CFAP52: variants seen among roughly 807,000 people sequenced by gnomAD.
CFAP52 encodes cilia and flagella associated protein 52.
A neutral mutation model predicts 70.5 loss-of-function variants in CFAP52; 57 were observed. The ratio of observed to expected loss-of-function variants is 0.81; its 90% CI spans 0.65 to 1.01. The LOEUF (loss-of-function observed/expected upper bound fraction) is 1.01. Among genes scored for constraint, CFAP52 ranks in the 50% least tolerant of loss-of-function variants. The probability of loss-of-function intolerance (pLI) is 0.00; values close to 1 mark genes in which losing one functional copy is unlikely to be tolerated. For missense variants in CFAP52, 785 were observed against 788.5 expected (o/e 1.00, Z 0.05); for synonymous variants, 267 against 292.5 (o/e 0.91, Z 0.89).
chr17:9,577,472 G>A (rs1049161536), intron 1 of CFAP52, among the ~76,000 whole-genome samples: 7 of 152,106 alleles, frequency 4.6e-5, no homozygotes, highest in African/African-American at 1.7e-4. Flanking sequence ...CGTTTTGAGG[G>A]GTTTTGGTTT....
chr17:9,636,517 T>C (rs1417663275), intron 11 of CFAP52, among the ~76,000 whole-genome samples: 1 of 152,182 alleles, frequency 6.6e-6, no homozygotes, highest in African/African-American at 2.4e-5. Context: ...GCTTTTTGAA[T>C]TTTTGACTAT....
At chr17:9,603,882 A>G (rs1284881897) in intron 6 of CFAP52, among the ~76,000 whole-genome samples, 1 of 152,214 alleles carries the variant, frequency 6.6e-6, no homozygotes. Flanking sequence ...CAGTTGGAGG[A>G]GTGACACTAC....
intron 4 of CFAP52, 65 bp from the exon 5 acceptor site, chr17:9,598,169 G>C (rs1909101612): frequency 2.4e-6 from 3 of 1,274,816 alleles, no homozygotes; most frequent in Non-Finnish European, 3.3e-6. Flanking sequence ...TCAGTTTCAG[G>C]GATGAAGTGA....
At chr17:9,642,425 A>G (rs1396028854) in intron 13 of CFAP52, among the ~76,000 whole-genome samples, 1 of 152,096 alleles carries the variant, frequency 6.6e-6, no homozygotes, top group African/African-American at 2.4e-5. Flanking sequence ...GGAGTTTGAG[A>G]CCAGCCTGGC....
Position 9,612,336 on chromosome 17 carries a change from T to C in CFAP52, c.882T>C (p.Thr294=). 2 of 1,614,196 alleles carry C rather than the reference T, an allele frequency of 1.2e-6. No individual in the cohort carries two copies. Among genetic ancestry groups the C allele is most frequent in the Non-Finnish European group, 1.7e-6 (2 of 1,180,036 alleles). Residue 294 remains threonine, a synonymous_variant, in exon 8 of 14, where the codon ACT becomes ACC. Coordinates refer to ENST00000352665, the MANE Select transcript of CFAP52 (RefSeq NM_145054.5). ...IKKIQLQGGI[T]SITLRGEGHQ... ...AGATTCAGTTACAAGGCGGCATCAC[T>C]TCTATCACACTTCGAGGAGAAGGAC...
chr17:9,629,734 G>A (rs1017852880), intron 9 of CFAP52, among the ~76,000 whole-genome samples: 8 of 151,608 alleles, frequency 5.3e-5, no homozygotes, highest in African/African-American at 1.9e-4. Context: ...GACTACAGGC[G>A]TGTGTCATCA....
chr17:9,615,795 CTTTTTTTTTTTT>C (rs1190663709), intron 8 of CFAP52, among the ~76,000 whole-genome samples: 3 of 67,424 alleles, frequency 4.4e-5, no homozygotes, highest in South Asian at 7.8e-4. Context: ...AAAAAAAATT[CTTTTTTTTTTTT>C]TTTTTTTTTT....
intron 11 of CFAP52, among the ~76,000 whole-genome samples, chr17:9,636,105 C>T (rs1379361270): frequency 5.3e-5 from 8 of 151,412 alleles, no homozygotes; most frequent in Admixed American, 1.3e-4. Context: ...ACCCAGGATG[C>T]GGAGGTTGCA....
intron 8 of CFAP52, among the ~76,000 whole-genome samples, chr17:9,622,265 C>T (rs140931057): frequency 2.0e-5 from 3 of 152,284 alleles, no homozygotes; most frequent in African/African-American, 7.2e-5. Context: ...AATATGGTCT[C>T]AGCCAGGTGC....
At chr17:9,607,977 T>C in intron 6 of CFAP52, 142 bp from the exon 7 acceptor site, 1 of 576,644 alleles carries the variant, frequency 1.7e-6, no homozygotes, top group Non-Finnish European at 2.9e-6. Context: ...TTCAGCTTTT[T>C]TCTTTTTTTC....
At position 9,581,597 on chromosome 17, in the gene CFAP52, G is replaced by A. The variant is rs1192970333; in HGVS notation, c.71-4176G>A. Reference sequence around the variant, plus strand: ...AGAGAGGGAGGGAAAGAAGGCGAGAGAGAGAGAAAATGGAGTGTGTGTGAG... The same window carrying A: ...AGAGAGGGAGGGAAAGAAGGCGAGAAAGAGAGAAAATGGAGTGTGTGTGAG... On this transcript the variant is annotated intron_variant, in intron 1 of 13. Coordinates refer to ENST00000352665, the MANE Select transcript of CFAP52 (RefSeq NM_145054.5). 3.9e-5 allele frequency among the ~76,000 whole-genome samples: 6 copies of A among 152,068 alleles called. No individual in the cohort carries two copies. The East Asian group carries it at 1.2e-3, about 29-fold the overall frequency.
chr17:9,592,024 C>T (rs1416957204), intron 3 of CFAP52, among the ~76,000 whole-genome samples: 1 of 152,146 alleles, frequency 6.6e-6, no homozygotes, highest in African/African-American at 2.4e-5. Flanking sequence ...TACCCAGAGG[C>T]ACTTGGATTT....
At chr17:9,638,738 T>A (rs1486608287) in intron 12 of CFAP52, 27 bp downstream of exon 12, 1 of 1,608,120 alleles carries the variant, frequency 6.2e-7, no homozygotes, top group East Asian at 2.2e-5. Flanking sequence ...AGAGATGAGA[T>A]CTTTCCAGCG....
chr17:9,630,938 A>T (rs566848647), intron 9 of CFAP52, among the ~76,000 whole-genome samples: 18 of 148,678 alleles, frequency 1.2e-4, no homozygotes, highest in Non-Finnish European at 2.2e-4. Context: ...GTGAGCCAAG[A>T]TCGCACCACT....
intron 8 of CFAP52, among the ~76,000 whole-genome samples, chr17:9,616,690 C>T (rs1451355791): frequency 6.7e-6 from 1 of 149,512 alleles, no homozygotes; most frequent in East Asian, 2.0e-4. Context: ...GGTCCCTGAC[C>T]CCTGACCCCC....
chr17:9,608,325 A>T, intron 7 of CFAP52, 106 bp downstream of exon 7: 1 of 918,138 alleles, frequency 1.1e-6, no homozygotes, highest in East Asian at 2.8e-5. Context: ...TTTGGTTAAA[A>T]AATTTCATCT....
intron 11 of CFAP52, among the ~76,000 whole-genome samples, chr17:9,635,796 C>A (rs922219343): frequency 1.3e-5 from 2 of 152,136 alleles, no homozygotes; most frequent in African/African-American, 4.8e-5. Flanking sequence ...AGGGAAATAG[C>A]TTTCTGTGTC....
At chr17:9,586,082 T>A in intron 2 of CFAP52, 110 bp downstream of exon 2, 2 of 1,119,640 alleles carry the variant, frequency 1.8e-6, no homozygotes, top group Non-Finnish European at 2.5e-6. Context: ...TTATTCTTCC[T>A]TCTTCTTCTT....
In CFAP52 at chr17:9,643,174, A is replaced by G. The variant is rs750684088; in HGVS notation, c.1839A>G (p.Arg613=). 1 of 1,612,340 alleles carries G rather than the reference A, an allele frequency of 6.2e-7. No homozygotes were observed. The highest frequency in any genetic ancestry group is 8.5e-7 in the Non-Finnish European group (1 of 1,179,300). Residue 613 remains arginine (R), a synonymous_variant, in exon 14 of 14, where the codon CGA becomes CGG. Coordinates refer to ENST00000352665, the MANE Select transcript of CFAP52 (RefSeq NM_145054.5). The stretch of plus-strand genomic sequence containing the variant: ...TAAGTGCCGATGGAGCCATTTTGCG[A>G]TGGAAGTACCCATATACCTCCTGAA... The part of the protein sequence containing the change: ...VSVSADGAIL[R]WKYPYTS
Sources: allele counts gnomAD v4.1 joint callset (sites outside exome capture counted in the v4.1 genomes callset), GRCh38; gene constraint gnomAD v4.1.1; transcripts MANE v1.5; gene names NCBI Gene and HGNC (gene_info 2026-07-23, HGNC 2026-07-21).